Variants in RAP1GDS1 observed in about 807,000 individuals in gnomAD.
RAP1GDS1 encodes the protein RAP1, GTP-GDP dissociation stimulator 1.
A neutral mutation model predicts 71.1 loss-of-function variants in RAP1GDS1; 35 were observed. That is an observed-to-expected ratio of 0.49 (90% CI 0.38 to 0.65). RAP1GDS1 has a LOEUF of 0.65. RAP1GDS1 is among the 30% of genes least tolerant of loss of function. RAP1GDS1 has a pLI of 0.00. For missense variants in RAP1GDS1, 663 were observed against 706.1 expected, an observed-to-expected ratio of 0.94 and a Z score of 0.69; for synonymous variants, 229 against 243.1, an observed-to-expected ratio of 0.94 and a Z score of 0.54.
At chr4:98,303,627 AATAATATAATATAAT>A (rs3048386) in intron 2 of RAP1GDS1, among the ~76,000 whole-genome samples, 11 of 141,332 alleles carry the variant, frequency 7.8e-5, no homozygotes, top group African/African-American at 2.6e-4. Flanking sequence ...GTAAATTAAT[AATAATATAATATAAT>A]ATAATATAAT....
chr4:98,438,588 A>ATTTTTT (rs1214035409), intron 14 of RAP1GDS1, among the ~76,000 whole-genome samples: 1 of 86,940 alleles, frequency 1.2e-5, no homozygotes, highest in Non-Finnish European at 2.1e-5. Flanking sequence ...ATATATATAT[A>ATTTTTT]TCTTTTTTTT....
intron 2 of RAP1GDS1, among the ~76,000 whole-genome samples, chr4:98,301,660 A>C (rs963640994): frequency 2.0e-5 from 3 of 152,178 alleles, no homozygotes; most frequent in Non-Finnish European, 4.4e-5. Context: ...CCAGGAGCCC[A>C]AGGGTAATAG....
At chr4:98,289,316 A>G (rs938884234) in intron 1 of RAP1GDS1, among the ~76,000 whole-genome samples, 5 of 152,170 alleles carry the variant, frequency 3.3e-5, no homozygotes, top group Admixed American at 2.6e-4. Context: ...GCTTCATGCA[A>G]GACTTGGCAT....
At chr4:98,346,796 G>T (rs12510095) in intron 3 of RAP1GDS1, among the ~76,000 whole-genome samples, 10,144 of 152,082 alleles carry the variant, frequency 0.067, 387 homozygotes, top group Admixed American at 0.14. Context: ...TGCCCACCTT[G>T]GTCTCCCAAA....
rs140431440 is a variant in RAP1GDS1, at chr4:98,382,596, T to C, written c.508+3433T>C. ...GTATTTTAATCTCATTAGTTTGTTA[T>C]CTGTTTCCTAGCTTTGGTTACCCAA... On this transcript the variant is annotated intron_variant, in intron 5 of 14. Transcript: ENST00000408927. Among the ~76,000 whole-genome samples, 140 of 151,790 alleles carry C rather than the reference T, an allele frequency of 9.2e-4. 1 individual carries two copies. Among genetic ancestry groups the C allele is most frequent in the African/African-American group, 3.3e-3 (136 of 41,528 alleles).
At chr4:98,403,184 A>G (rs1745676799) in intron 6 of RAP1GDS1, among the ~76,000 whole-genome samples, 1 of 152,116 alleles carries the variant, frequency 6.6e-6, no homozygotes, top group South Asian at 2.1e-4. Flanking sequence ...GGAAGGAGAG[A>G]TAATGATAAA....
At chr4:98,352,626 C>T in intron 4 of RAP1GDS1, 25 bp downstream of exon 4, 1 of 1,608,126 alleles carries the variant, frequency 6.2e-7, no homozygotes, top group Non-Finnish European at 8.5e-7. Flanking sequence ...CTCAATAATA[C>T]ACATACATTT....
chr4:98,320,407 C>T (rs1326149722), intron 2 of RAP1GDS1, among the ~76,000 whole-genome samples: 1 of 152,164 alleles, frequency 6.6e-6, no homozygotes, highest in African/African-American at 2.4e-5. Context: ...TTACGTGATT[C>T]TCTTTTCAGA....
intron 2 of RAP1GDS1, among the ~76,000 whole-genome samples, chr4:98,316,370 A>G (rs1730942807): frequency 6.6e-6 from 1 of 152,180 alleles, no homozygotes; most frequent in Non-Finnish European, 1.5e-5. Flanking sequence ...ATTTCCAAAT[A>G]TAAGCTTTCA....
At chr4:98,293,352 T>A (rs1395510783) in intron 1 of RAP1GDS1, 56 bp from the exon 2 acceptor site, 1 of 1,169,044 alleles carries the variant, frequency 8.6e-7, no homozygotes, top group Non-Finnish European at 1.2e-6. Flanking sequence ...CCTTTTGTCA[T>A]GTAACATATG....
At chr4:98,266,286 C>T (rs1213092305) in intron 1 of RAP1GDS1, among the ~76,000 whole-genome samples, 1 of 152,000 alleles carries the variant, frequency 6.6e-6, no homozygotes, top group Non-Finnish European at 1.5e-5. Context: ...TAATGTCTGT[C>T]ATGCAGAGTG....
At chr4:98,422,581 A>G (rs1749045202) in intron 12 of RAP1GDS1, among the ~76,000 whole-genome samples, 1 of 152,208 alleles carries the variant, frequency 6.6e-6, no homozygotes, top group Admixed American at 6.5e-5. Context: ...TAGTGATTAT[A>G]TATGAGGAGA....
At chr4:98,348,410 A>G (rs554912086) in intron 3 of RAP1GDS1, among the ~76,000 whole-genome samples, 1 of 152,332 alleles carries the variant, frequency 6.6e-6, no homozygotes, top group South Asian at 2.1e-4. Context: ...TATTATGAAT[A>G]GTGCCACAGT....
At chr4:98,387,407 G>T (rs1165276426) in intron 5 of RAP1GDS1, 8 of 455,420 alleles carry the variant, frequency 1.8e-5, no homozygotes, top group East Asian at 1.4e-4. Flanking sequence ...GGGGGGAAAA[G>T]GTTCCTCAAC....
intron 4 of RAP1GDS1, among the ~76,000 whole-genome samples, chr4:98,355,964 T>C (rs985023002): frequency 6.6e-6 from 1 of 152,190 alleles, no homozygotes; most frequent in Admixed American, 6.5e-5. Flanking sequence ...GCTTGGTCTC[T>C]TTTCTTCCAG....
Position 98,343,131 on chromosome 4 carries a change from T to A in RAP1GDS1, c.113-8T>A, listed in dbSNP as rs1317036621. The A allele has an allele frequency of 1.2e-6, 2 of 1,602,304 alleles. No homozygotes were observed. The highest frequency in any genetic ancestry group is 1.7e-6 in the Non-Finnish European group (2 of 1,173,412). On this transcript the variant is annotated splice_polypyrimidine_tract_variant and splice_region_variant and intron_variant, in intron 2 of 14. Coordinates refer to ENST00000408927, the MANE Select transcript of RAP1GDS1 (RefSeq NM_001100427.2). The stretch of plus-strand genomic sequence containing the variant: ...TTCACTGAAGCTCTTTGTATGTATC[T>A]CTTTTAGATACGGAAACAAGTGAAA...
chr4:98,331,152 C>G (rs1213251548), intron 2 of RAP1GDS1, among the ~76,000 whole-genome samples: 1 of 152,178 alleles, frequency 6.6e-6, no homozygotes, highest in South Asian at 2.1e-4. Context: ...AAAAACCAGT[C>G]AGGCGTGGCG....
At chr4:98,360,582 AT>A (rs1738593277) in intron 4 of RAP1GDS1, among the ~76,000 whole-genome samples, 1 of 152,120 alleles carries the variant, frequency 6.6e-6, no homozygotes, top group African/African-American at 2.4e-5. Context: ...CAGTCTGCTT[AT>A]TGAAACCCTG....
intron 2 of RAP1GDS1, among the ~76,000 whole-genome samples, chr4:98,315,596 T>G (rs1376827430): frequency 6.6e-6 from 1 of 152,088 alleles, no homozygotes; most frequent in African/African-American, 2.4e-5. Context: ...GTAAAGAATC[T>G]AGTCCATTAA....
Sources: allele counts gnomAD v4.1 joint callset (sites outside exome capture counted in the v4.1 genomes callset), GRCh38; gene constraint gnomAD v4.1.1; transcripts MANE v1.5; gene names NCBI Gene and HGNC (gene_info 2026-07-23, HGNC 2026-07-21).